Variants in PDE4D observed in about 807,000 individuals in gnomAD.
PDE4D encodes 3',5'-cyclic-AMP phosphodiesterase 4D.
In PDE4D, 24 loss-of-function variants were observed where a neutral mutation model predicts 87.4. The ratio of observed to expected loss-of-function variants is 0.27; its 90% CI spans 0.20 to 0.39. The LOEUF is 0.39. Ranked by LOEUF, PDE4D falls within the 10% of genes least tolerant of loss-of-function variation. The pLI is 1.00. For missense variants in PDE4D, 714 were observed against 1,041.0 expected (o/e 0.69, Z 4.32); for synonymous variants, 384 against 383.2 (o/e 1.00, Z -0.02).
At chr5:60,242,903 C>G (rs1053095709) in intron 1 of PDE4D, among the ~76,000 whole-genome samples, 1 of 151,390 alleles carries the variant, frequency 6.6e-6, no homozygotes, top group African/African-American at 2.4e-5. Context: ...ATAAAAAAAC[C>G]CAATAGTGTG....
chr5:60,301,784 A>G (rs754981511), intron 1 of PDE4D, among the ~76,000 whole-genome samples: 11 of 151,958 alleles, frequency 7.2e-5, no homozygotes, highest in Admixed American at 1.3e-4. Context: ...TTTTGTGCCT[A>G]TTCAGTATGA....
At chr5:60,467,767 A>G (rs1395747511) in intron 1 of PDE4D, among the ~76,000 whole-genome samples, 2 of 152,168 alleles carry the variant, frequency 1.3e-5, no homozygotes, top group Non-Finnish European at 2.9e-5. Flanking sequence ...TATGATTGTG[A>G]TGGAAGGTGA....
At chr5:59,985,073 C>T (rs957145624) in intron 3 of PDE4D, among the ~76,000 whole-genome samples, 3 of 151,214 alleles carry the variant, frequency 2.0e-5, no homozygotes, top group Admixed American at 6.6e-5. Flanking sequence ...GAATCTGGGG[C>T]TCCTGGTTAA....
chr5:59,400,580 C>G (rs651576), intron 1 of PDE4D, among the ~76,000 whole-genome samples: 2 of 114,674 alleles, frequency 1.7e-5, no homozygotes, highest in African/African-American at 3.4e-5. Flanking sequence ...CTGGGGACTG[C>G]TGTGGGGTGG....
intron 1 of PDE4D, among the ~76,000 whole-genome samples, chr5:60,416,076 C>A (rs1194802002): frequency 1.3e-5 from 2 of 152,178 alleles, no homozygotes; most frequent in Admixed American, 6.5e-5. Context: ...CACTCTGTGT[C>A]TAGCTCAGGG....
intron 1 of PDE4D, among the ~76,000 whole-genome samples, chr5:60,367,072 C>A (rs1387017621): frequency 1.3e-5 from 2 of 152,162 alleles, no homozygotes; most frequent in Non-Finnish European, 1.5e-5. Context: ...TGGGTGGATA[C>A]ACAGTCTCTT....
At chr5:60,403,943 A>G (rs1382432042) in intron 1 of PDE4D, among the ~76,000 whole-genome samples, 2 of 152,204 alleles carry the variant, frequency 1.3e-5, no homozygotes, top group African/African-American at 4.8e-5. Flanking sequence ...TTGGAACTCA[A>G]TGACTCTTTG....
At chr5:60,101,686 G>A (rs748452863) in intron 2 of PDE4D, among the ~76,000 whole-genome samples, 20 of 152,076 alleles carry the variant, frequency 1.3e-4, no homozygotes, top group Non-Finnish European at 2.9e-4. Flanking sequence ...AATCTTAGAA[G>A]CTAGGAGCTG....
intron 1 of PDE4D, among the ~76,000 whole-genome samples, chr5:59,538,342 A>G (rs554541682): frequency 6.6e-6 from 1 of 152,300 alleles, no homozygotes; most frequent in Admixed American, 6.5e-5. Flanking sequence ...GGACATCTCT[A>G]CTTGGACAAC....
At chr5:59,624,666 T>C (rs1027392551) in intron 1 of PDE4D, among the ~76,000 whole-genome samples, 3 of 152,212 alleles carry the variant, frequency 2.0e-5, no homozygotes, top group African/African-American at 7.2e-5. Flanking sequence ...TAATTAAGAA[T>C]TATTTCTGGC....
chr5:59,328,939 A>G (rs891288386), intron 1 of PDE4D, among the ~76,000 whole-genome samples: 1 of 152,240 alleles, frequency 6.6e-6, no homozygotes, highest in Non-Finnish European at 1.5e-5. Flanking sequence ...AAGGGTCCAG[A>G]AAAGCGACTC....
intron 5 of PDE4D, among the ~76,000 whole-genome samples, chr5:59,087,448 C>T (rs1425359923): frequency 1.3e-5 from 2 of 152,060 alleles, no homozygotes; most frequent in African/African-American, 2.4e-5. Context: ...ATTGCCACTG[C>T]TCTCCAGCCT....
chr5:59,179,022 A>T (rs75444210), intron 5 of PDE4D, among the ~76,000 whole-genome samples: 1,991 of 152,242 alleles, frequency 0.013, 44 homozygotes, highest in African/African-American at 0.045. Context: ...GTTTAGACTC[A>T]TTTATGTTGA....
At chr5:59,886,199 G>A (rs911212783) in intron 1 of PDE4D, among the ~76,000 whole-genome samples, 2 of 152,158 alleles carry the variant, frequency 1.3e-5, no homozygotes, top group African/African-American at 4.8e-5. Flanking sequence ...TAATTAAACT[G>A]CAATTGATAA....
In PDE4D at chr5:59,194,172, C is replaced by T. The variant is rs536435741; in HGVS notation, c.648-636G>A. Among the ~76,000 whole-genome samples the T allele has an allele frequency of 3.3e-5, 5 of 152,154 alleles. No individual in the cohort carries two copies. In the South Asian group the frequency reaches 6.2e-4, roughly 19 times the overall value. Reference sequence around the variant, plus strand: ...GTATGGGAGCAAGGTGTCAGCATGACGTGTCTTGGAGGGACAGGGAAGGGC... The same window carrying T: ...GTATGGGAGCAAGGTGTCAGCATGATGTGTCTTGGAGGGACAGGGAAGGGC... On this transcript the variant is annotated intron_variant, in intron 2 of 14. Coordinates refer to ENST00000340635, the MANE Select transcript of PDE4D (RefSeq NM_001104631.2).
chr5:59,785,834 A>G (rs1765111589), intron 1 of PDE4D, among the ~76,000 whole-genome samples: 1 of 152,180 alleles, frequency 6.6e-6, no homozygotes, highest in Admixed American at 6.5e-5. Flanking sequence ...GAAGTAAAGT[A>G]TGTGGTTTAC....
At chr5:59,323,634 A>G (rs576628628) in intron 1 of PDE4D, among the ~76,000 whole-genome samples, 2 of 152,116 alleles carry the variant, frequency 1.3e-5, no homozygotes, top group East Asian at 3.9e-4. Context: ...CTAAACATCA[A>G]TCAAACCTAT....
In PDE4D at chr5:59,668,845, G is replaced by GGAAGAAGAAGAAGAA. The variant is rs1208323931; in HGVS notation, c.455+224308_455+224322dup. ...AAGAAGAAGAAGAGGAAGAGGAAGA[G>GGAAGAAGAAGAAGAA]GAAGAAGAAGAAGAAGAAGAAGAAG... On this transcript the variant is annotated intron_variant, in intron 1 of 14. Coordinates refer to ENST00000340635, the MANE Select transcript of PDE4D (RefSeq NM_001104631.2). Among the ~76,000 whole-genome samples the GGAAGAAGAAGAAGAA allele has an allele frequency of 2.0e-3, 125 of 62,164 alleles. 1 individual carries two copies. Among genetic ancestry groups the GGAAGAAGAAGAAGAA allele is most frequent in the Middle Eastern group, 6.4e-3 (1 of 156 alleles). The allele number at this position is 62,164 out of a possible 152,430, so 40.8% of individuals were successfully genotyped here.
intron 1 of PDE4D, among the ~76,000 whole-genome samples, chr5:60,462,667 G>C (rs1451219841): frequency 6.6e-6 from 1 of 152,166 alleles, no homozygotes; most frequent in African/African-American, 2.4e-5. Context: ...GGCCAGGACT[G>C]TCTTGCAAAC....
Sources: allele counts gnomAD v4.1 joint callset (sites outside exome capture counted in the v4.1 genomes callset), GRCh38; gene constraint gnomAD v4.1.1; transcripts MANE v1.5; gene names NCBI Gene and HGNC (gene_info 2026-07-23, HGNC 2026-07-21).